STK3: variants seen among roughly 807,000 people sequenced by gnomAD.
STK3 encodes the protein serine/threonine kinase 3.
In STK3, 41 loss-of-function variants were observed where a neutral mutation model predicts 58.0. That is an observed-to-expected ratio of 0.71 (90% CI 0.55 to 0.92). STK3 has a LOEUF of 0.92. Among genes scored for constraint, STK3 ranks in the 40% least tolerant of loss-of-function variants. The pLI, the probability that STK3 is intolerant of heterozygous loss-of-function variation, is 0.00. For synonymous variants in STK3, 170 were observed against 191.0 expected (o/e 0.89, Z 0.91); for missense variants, 479 against 602.7 (o/e 0.79, Z 2.15).
chr8:98,640,929 CTAT>C, intron 6 of STK3, among the ~76,000 whole-genome samples: 1 of 150,814 alleles, frequency 6.6e-6, no homozygotes, highest in South Asian at 2.1e-4. Flanking sequence ...GTTTATACTA[CTAT>C]ATTTATATGT....
chr8:98,789,285 C>T (rs1284305453), intron 1 of STK3, among the ~76,000 whole-genome samples: 1 of 152,038 alleles, frequency 6.6e-6, no homozygotes, highest in Non-Finnish European at 1.5e-5. Context: ...AGTTTATAAC[C>T]CTAAATGCCT....
At chr8:98,408,297 G>A (rs1222897650) in intron 3 of STK3, among the ~76,000 whole-genome samples, 1 of 152,152 alleles carries the variant, frequency 6.6e-6, no homozygotes, top group Non-Finnish European at 1.5e-5. Flanking sequence ...GAAGTGCCAT[G>A]ACAATTAAAG....
At chr8:98,725,991 C>G (rs1827768694) in intron 4 of STK3, among the ~76,000 whole-genome samples, 1 of 152,176 alleles carries the variant, frequency 6.6e-6, no homozygotes, top group Admixed American at 6.5e-5. Flanking sequence ...TCTTCCTGCT[C>G]CACATCCAAA....
chr8:98,427,997 G>T (rs1396903399), intron 3 of STK3: 2 of 1,568,486 alleles, frequency 1.3e-6, no homozygotes, highest in South Asian at 2.3e-5. Context: ...GCCAGAGCCT[G>T]TGGGACGTGT....
At chr8:98,450,202 C>T (rs959734554), downstream of STK3, among the ~76,000 whole-genome samples, 14 of 152,158 alleles carry the variant, frequency 9.2e-5, no homozygotes, top group African/African-American at 3.1e-4. Context: ...CAGGCCCTTA[C>T]GAGAAGGCCT....
At chr8:98,487,818 C>T (rs971665611) in intron 10 of STK3, among the ~76,000 whole-genome samples, 11 of 152,112 alleles carry the variant, frequency 7.2e-5, no homozygotes, top group South Asian at 2.1e-4. Flanking sequence ...GAATAAGCTC[C>T]GGAATTAGAT....
upstream of STK3, among the ~76,000 whole-genome samples, chr8:98,391,179 A>G (rs529525911): frequency 5.9e-5 from 9 of 152,238 alleles, no homozygotes; most frequent in African/African-American, 2.2e-4. Context: ...GGATGTTGCT[A>G]TTTTTGTCTT....
intron 6 of STK3, among the ~76,000 whole-genome samples, chr8:98,631,623 C>T (rs1819241040): frequency 6.6e-6 from 1 of 152,142 alleles, no homozygotes; most frequent in African/African-American, 2.4e-5. Flanking sequence ...GCTTTTTCTT[C>T]ATAGCTGTTA....
At chr8:98,853,349 G>T (rs1415467068) in intron 3 of STK3, among the ~76,000 whole-genome samples, 1 of 152,176 alleles carries the variant, frequency 6.6e-6, no homozygotes, top group African/African-American at 2.4e-5. Flanking sequence ...TTCAGAAAAG[G>T]TCTTGGATTG....
chr8:98,637,267 T>C (rs1819694176), intron 6 of STK3, among the ~76,000 whole-genome samples: 1 of 152,154 alleles, frequency 6.6e-6, no homozygotes, highest in African/African-American at 2.4e-5. Flanking sequence ...AACTTTCTCC[T>C]TTCCTGTATA....
chr8:98,871,087 T>G lies in STK3; in HGVS notation c.110+12560A>C, dbSNP rs538551003. ...GGCTAGCCAGTTTTCCCAGCACCAT[T>G]TATTAAATAGGGAATCCTTTCCCCA... On this transcript the variant is annotated intron_variant, in intron 3 of 12. Transcript: ENST00000523601. Among the ~76,000 whole-genome samples the G allele has an allele frequency of 9.5e-3, 1,443 of 152,320 alleles. 18 individuals are homozygous for G. Among genetic ancestry groups the G allele is most frequent in the South Asian group, 0.029 (140 of 4,824 alleles).
chr8:98,364,559 C>A, the STK3 span, among the ~76,000 whole-genome samples: 5 of 152,252 alleles, frequency 3.3e-5, no homozygotes, highest in Non-Finnish European at 2.9e-5. Context: ...CCCCAGCATG[C>A]GCCTCTCTCC....
At chr8:98,356,889 T>G in the STK3 span, among the ~76,000 whole-genome samples, 1 of 152,236 alleles carries the variant, frequency 6.6e-6, no homozygotes, top group East Asian at 1.9e-4. Context: ...CAGTGATGTT[T>G]AGAACTGAAC....
intron 7 of STK3, among the ~76,000 whole-genome samples, chr8:98,592,598 T>C (rs1353586845): frequency 6.6e-6 from 1 of 152,040 alleles, no homozygotes; most frequent in East Asian, 1.9e-4. Flanking sequence ...ACAGGAGTCT[T>C]TTCTTTCTTA....
At chr8:98,654,304 C>T (rs191105779) in intron 6 of STK3, among the ~76,000 whole-genome samples, 1 of 152,288 alleles carries the variant, frequency 6.6e-6, no homozygotes, top group East Asian at 1.9e-4. Context: ...TAAAAACTCT[C>T]AATAAGTTAG....
chr8:98,428,478 G>C lies in STK3; in HGVS notation n.483+5649C>G. On this transcript the variant is annotated intron_variant and non_coding_transcript_variant, in intron 3 of 3. Coordinates refer to the STK3 transcript ENST00000517832. The surrounding 1 kb of genome is among the most constrained non-coding windows in gnomAD (Gnocchi z 6.7). ...CTCCAAGTTCGATGGGCAGCCCCTC[G>C]GCAACTTCCGCAGGCAGCTGTGGCT... 1.2e-6 allele frequency: 2 copies of C among 1,614,102 alleles called. No homozygotes were observed. Among genetic ancestry groups the C allele is most frequent in the Non-Finnish European group, 1.7e-6 (2 of 1,180,048 alleles).
chr8:98,795,278 T>C lies in STK3; in HGVS notation c.27-20459A>G, dbSNP rs573999397. 2.1e-5 allele frequency among the ~76,000 whole-genome samples: 3 copies of C among 144,966 alleles called. No homozygotes were observed. In the South Asian group the frequency reaches 6.6e-4, roughly 32 times the overall value. Reference sequence around the variant, plus strand: ...TAAACAGAATTTAAAATAAAAGTCATATGACCATCCCAACAGACATGGAAA... The same window carrying C: ...TAAACAGAATTTAAAATAAAAGTCACATGACCATCCCAACAGACATGGAAA... On this transcript the variant is annotated intron_variant, in intron 1 of 10. Transcript: ENST00000419617.
At chr8:98,688,405 A>T (rs1824163243) in intron 6 of STK3, among the ~76,000 whole-genome samples, 1 of 152,194 alleles carries the variant, frequency 6.6e-6, no homozygotes, top group African/African-American at 2.4e-5. Flanking sequence ...CTTAAATTTA[A>T]TGCTTGACCA....
At chr8:98,709,141 T>C (rs1420878573) in intron 4 of STK3, among the ~76,000 whole-genome samples, 9 of 152,180 alleles carry the variant, frequency 5.9e-5, no homozygotes, top group Non-Finnish European at 1.0e-4. Context: ...CAAGCTTATA[T>C]TCTATCTATA....
Sources: gnomAD v4.1 joint callset for allele counts (sites outside exome capture counted in the v4.1 genomes callset) on GRCh38, gnomAD v4.1.1 for gene constraint, Gnocchi (gnomAD v3.1) non-coding constraint, MANE v1.5 for transcripts, NCBI Gene and HGNC (gene_info 2026-07-23, HGNC 2026-07-21) for gene names.